Variants in TERT observed in about 807,000 individuals in gnomAD.
TERT encodes the protein telomerase catalytic subunit.
In TERT, 42 loss-of-function variants were observed where a neutral mutation model predicts 104.0. That is an observed-to-expected ratio of 0.40 (90% CI 0.32 to 0.52). The LOEUF (loss-of-function observed/expected upper bound fraction) is 0.52. TERT is among the 20% of genes least tolerant of loss of function. TERT has a pLI of 0.43. For synonymous variants in TERT, 781 were observed against 725.6 expected, an observed-to-expected ratio of 1.08 and a Z score of -1.23; for missense variants, 1,101 against 1,610.3, an observed-to-expected ratio of 0.68 and a Z score of 5.41.
chr5:1,261,439 T>C lies in TERT; in HGVS notation c.2844-839A>G, dbSNP rs980622859. On this transcript the variant is annotated intron_variant, in intron 11 of 15. Transcript: ENST00000310581. This position sits in a 1 kb window ranked among gnomAD's most constrained non-coding sequence, Gnocchi z 7.4. ...GGTAAATAAGACCCGTGATAATGTC[T>C]GGTCACTTCAGAAGTGGAATTACTG... Among the ~76,000 whole-genome samples the C allele has an allele frequency of 6.6e-6, 1 of 152,172 alleles. No homozygotes were observed. Among genetic ancestry groups the C allele is most frequent in the Non-Finnish European group, 1.5e-5 (1 of 68,030 alleles).
At position 1,271,962 on chromosome 5, in the gene TERT, G is replaced by A. The variant is rs1055066330; in HGVS notation, c.2382+223C>T. The stretch of plus-strand genomic sequence containing the variant: ...CACTGCGGAACTGGAGAGAGGCCGC[G>A]CAGTCAAACGTGAGCAGGTGCCTGA... On this transcript the variant is annotated intron_variant, in intron 7 of 15. Coordinates refer to ENST00000310581, the MANE Select transcript of TERT (RefSeq NM_198253.3). 1.4e-4 allele frequency among the ~76,000 whole-genome samples: 21 copies of A among 152,356 alleles called. No homozygotes were observed. In the Middle Eastern group the frequency reaches 0.01, roughly 74 times the overall value.
chr5:1,277,921 G>A (rs1749720838), intron 6 of TERT, among the ~76,000 whole-genome samples: 2 of 151,268 alleles, frequency 1.3e-5, no homozygotes, highest in Admixed American at 6.6e-5. Context: ...TGACCACTGG[G>A]TGGGAACCCA....
intron 3 of TERT, among the ~76,000 whole-genome samples, chr5:1,281,431 G>A (rs1579578818): frequency 6.6e-6 from 1 of 152,188 alleles, no homozygotes; most frequent in African/African-American, 2.4e-5. Context: ...GGGGAGCTGG[G>A]GAAGCCCTGA....
rs1748613384 is a variant in TERT at position 1,266,479 on chromosome 5, G to A, written c.2639C>T (p.Ala880Val). The A allele has an allele frequency of 2.5e-6, 4 of 1,609,440 alleles. No individual in the cohort carries two copies. Among genetic ancestry groups the A allele is most frequent in the African/African-American group, 1.3e-5 (1 of 74,880 alleles). ...FLLVTPHLTH[A>V]KTFLRTLVRG... ...CGGGCCTCACCTGAGGAAGGTTTTC[G>A]CGTGGGTGAGGTGAGGTGTCACCAA... The change falls in exon 10 of 16, where the codon GCG becomes GTG. Residue 880 changes from alanine to valine, a missense_variant. Physicochemically the swap from Ala to Val is moderately conservative, Grantham distance 64 (BLOSUM62 0). This residue lies in a region of TERT where 463 missense variants were observed against 797.5 expected (regional missense o/e 0.58). Transcript: ENST00000310581.
intron 6 of TERT, among the ~76,000 whole-genome samples, chr5:1,277,414 C>T (rs1234913455): frequency 5.9e-5 from 9 of 152,220 alleles, no homozygotes; most frequent in African/African-American, 9.7e-5. Flanking sequence ...ATCCACGTGG[C>T]GAGTTCCACA....
chr5:1,293,286 G>A, intron 2 of TERT, 27 bp downstream of exon 2: 1 of 1,611,050 alleles, frequency 6.2e-7, no homozygotes, highest in African/African-American at 1.3e-5. Context: ...CTGGGGCCTG[G>A]GCCCTCGACG....
chr5:1,293,920 G>C lies in TERT; in HGVS notation c.966C>G (p.Pro322=), dbSNP rs1214021171. The C allele has an allele frequency of 6.5e-7, 1 of 1,542,492 alleles. No homozygotes were observed. The highest frequency in any genetic ancestry group is 8.7e-7 in the Non-Finnish European group (1 of 1,147,292). ...AGTGCTTGGTCTCGGCGTACACCGG[G>C]GGACAAGGCGTGTCCCAGGGACGTG... ...RPPRPWDTPC[P]PVYAETKHFL... Residue 322 remains proline (P), a synonymous_variant, in exon 2 of 16, where the codon CCC becomes CCG. Coordinates refer to ENST00000310581, the MANE Select transcript of TERT (RefSeq NM_198253.3).
chr5:1,277,652 G>A (rs1367754306), intron 6 of TERT, among the ~76,000 whole-genome samples: 2 of 149,828 alleles, frequency 1.3e-5, no homozygotes, highest in African/African-American at 2.5e-5. Flanking sequence ...CCCGGGCACA[G>A]GTGGGCGGTG....
intron 2 of TERT, among the ~76,000 whole-genome samples, chr5:1,291,311 T>A (rs369709640): frequency 3.7e-5 from 1 of 26,744 alleles, no homozygotes; most frequent in Admixed American, 4.2e-4. Flanking sequence ...CCAGGGACGG[T>A]GCCTCACTCA....
In TERT at chr5:1,294,020, A is replaced by G. The variant is rs1751193985; in HGVS notation, c.866T>C (p.Leu289Pro). The change falls in exon 2 of 16, where the codon CTC becomes CCC. Residue 289 changes from leucine to proline, a missense_variant. Leu to Pro is a moderately conservative substitution (Grantham distance 98). This residue lies in a region of TERT where 504 missense variants were observed against 544.6 expected (regional missense o/e 0.93). Transcript: ENST00000310581. The part of the protein sequence containing the change: ...AEEATSLEGA[L>P]SGTRHSHPSV... ...TGGGTGGGAGTGGCGCGTGCCAGAGAGCGCACCCTCCAAAGAGGTGGCTTC... is the reference window on the plus strand; with the variant it reads ...TGGGTGGGAGTGGCGCGTGCCAGAGGGCGCACCCTCCAAAGAGGTGGCTTC... The G allele has an allele frequency of 1.9e-6, 3 of 1,593,750 alleles. No homozygotes were observed. Among genetic ancestry groups the G allele is most frequent in the Non-Finnish European group, 1.7e-6 (2 of 1,172,404 alleles).
At position 1,256,415 on chromosome 5, in the gene TERT, G is replaced by A. The variant is rs942941675; in HGVS notation, c.3033-1004C>T. On this transcript the variant is annotated intron_variant, in intron 13 of 15. Transcript: ENST00000310581. This position sits in a 1 kb window ranked among gnomAD's most constrained non-coding sequence, Gnocchi z 7.0. Reference sequence around the variant, plus strand: ...AGCACATGTGCACATGTGCTCATATGTGCGTGTGATCAGAGCCCCCGTGTA... The same window carrying A: ...AGCACATGTGCACATGTGCTCATATATGCGTGTGATCAGAGCCCCCGTGTA... 1.3e-4 allele frequency among the ~76,000 whole-genome samples: 20 copies of A among 151,996 alleles called. No individual in the cohort carries two copies. The highest frequency in any genetic ancestry group is 6.6e-5 in the Admixed American group (1 of 15,266).
At chr5:1,289,448 G>A (rs1326009627) in intron 2 of TERT, among the ~76,000 whole-genome samples, 1 of 71,048 alleles carries the variant, frequency 1.4e-5, no homozygotes. Context: ...CACGTGACAG[G>A]GACACCCGGG....
chr5:1,293,399 G>C lies in TERT; in HGVS notation c.1487C>G (p.Ser496Cys). Residue 496 changes from serine to cysteine, a missense_variant, in exon 2 of 16, where the codon TCC becomes TGC. Ser to Cys is a moderately radical substitution (Grantham distance 112). Transcript: ENST00000310581. ...RFLRNTKKFISLGKHAKLSLQ... is the reference protein window; with the variant it reads ...RFLRNTKKFICLGKHAKLSLQ... ...CGAGAGCTTGGCATGCTTCCCCAGGGAGATGAACTTCTTGGTGTTCCTGAG... is the reference window on the plus strand; with the variant it reads ...CGAGAGCTTGGCATGCTTCCCCAGGCAGATGAACTTCTTGGTGTTCCTGAG... 6.2e-7 allele frequency: 1 copy of C among 1,613,298 alleles called. No individual in the cohort carries two copies. The highest frequency in any genetic ancestry group is 8.5e-7 in the Non-Finnish European group (1 of 1,179,992).
rs1394866406 is a variant in TERT, at chr5:1,255,574, GTGTGTGTGCT to G, written c.3033-173_3033-164del. 6.6e-6 allele frequency among the ~76,000 whole-genome samples: 1 copy of G among 152,202 alleles called. No individual in the cohort carries two copies. The highest frequency in any genetic ancestry group is 1.9e-4 in the East Asian group (1 of 5,194). On this transcript the variant is annotated intron_variant, in intron 13 of 15. Transcript: ENST00000310581. This position sits in a 1 kb window ranked among gnomAD's most constrained non-coding sequence, Gnocchi z 6.9. ...CACACGGATGCATGCATGCATGTCT[GTGTGTGTGCT>G]TGTGTGTGCGAGTAGCTGCGTGTCT...
chr5:1,280,015 T>C, intron 4 of TERT, 143 bp downstream of exon 4: 1 of 1,112,558 alleles, frequency 9.0e-7, no homozygotes, highest in Non-Finnish European at 1.4e-6. Context: ...CACCTCACTG[T>C]GCGCACAAAT....
At chr5:1,267,398 A>C (rs1748685117) in intron 9 of TERT, among the ~76,000 whole-genome samples, 1 of 152,228 alleles carries the variant, frequency 6.6e-6, no homozygotes, top group African/African-American at 2.4e-5. Context: ...AGTGTAAACT[A>C]GTTCAACCAT....
At chr5:1,275,771 C>G (rs1393872963) in intron 6 of TERT, among the ~76,000 whole-genome samples, 3 of 130,872 alleles carry the variant, frequency 2.3e-5, no homozygotes, top group Non-Finnish European at 5.0e-5. Context: ...TCCCACAGAT[C>G]TCCACCTACC....
rs1441685636 is a variant in TERT, at chr5:1,265,589, C to T, written c.2654+875G>A. Among the ~76,000 whole-genome samples, 2 of 152,080 alleles carry T rather than the reference C, an allele frequency of 1.3e-5. No homozygotes were observed. Among genetic ancestry groups the T allele is most frequent in the East Asian group, 3.9e-4 (2 of 5,170 alleles). On this transcript the variant is annotated intron_variant, in intron 10 of 15. Transcript: ENST00000310581. The surrounding 1 kb of genome is among the most constrained non-coding windows in gnomAD (Gnocchi z 6.9). ...AGTGGATTTAAATGTGCACAGCCTG[C>T]TGTGCTCCGGGCTGCGGCACAAGGA...
chr5:1,293,610 A>G lies in TERT; in HGVS notation c.1276T>C (p.Cys426Arg). 6.5e-7 allele frequency: 1 copy of G among 1,549,360 alleles called. No homozygotes were observed. The highest frequency in any genetic ancestry group is 1.4e-5 in the African/African-American group (1 of 73,310). The change falls in exon 2 of 16, where the codon TGT (cysteine) becomes CGT (arginine). Residue 426 changes from cysteine (C) to arginine (R), a missense_variant. Physicochemically the swap from Cys to Arg is radical, Grantham distance 180. This residue lies in a region of TERT where 504 missense variants were observed against 544.6 expected (regional missense o/e 0.93). Transcript: ENST00000310581. ...RAAVTPAAGV[C>R]AREKPQGSVA... ...GAGCCCTGGGGCTTCTCCCGGGCAC[A>G]GACACCGGCTGCTGGGGTGACCGCA...
Sources: allele counts gnomAD v4.1 joint callset (sites outside exome capture counted in the v4.1 genomes callset), GRCh38; gene constraint gnomAD v4.1.1; regional missense constraint gnomAD v4.1.1; non-coding constraint Gnocchi (gnomAD v3.1); transcripts MANE v1.5; gene names NCBI Gene and HGNC (gene_info 2026-07-23, HGNC 2026-07-21).